Variants in PDZD4 observed in about 807,000 individuals in gnomAD.
PDZD4 encodes PDZ domain-containing protein 4.
A neutral mutation model predicts 38.5 loss-of-function variants in PDZD4; 9 were observed. That is an observed-to-expected ratio of 0.23 (90% CI 0.14 to 0.41). The LOEUF (loss-of-function observed/expected upper bound fraction) is 0.41, where lower values mean the gene tolerates loss of function less well. Among genes scored for constraint, PDZD4 ranks in the 10% least tolerant of loss-of-function variants. The pLI, the probability that PDZD4 is intolerant of heterozygous loss-of-function variation, is 1.00. For missense variants in PDZD4, 612 were observed against 722.0 expected (o/e 0.85, Z 1.75); for synonymous variants, 349 against 315.7 (o/e 1.11, Z -1.12).
At chrX:153,807,190 C>T in intron 3 of PDZD4, 89 bp downstream of exon 3, 2 of 966,572 alleles carry the variant, frequency 2.1e-6, no homozygotes, top group Non-Finnish European at 2.8e-6. Flanking sequence ...CCAGGAGGGC[C>T]ACGGGGTTGG....
intron 1 of PDZD4, chrX:153,829,920 C>A: frequency 1.2e-6 from 1 of 816,327 alleles, no homozygotes; most frequent in South Asian, 5.6e-5. Flanking sequence ...CTCCCTCCCC[C>A]GCCCTGGGTC....
chrX:153,819,797 G>A (rs1367887496), intron 1 of PDZD4, among the ~76,000 whole-genome samples: 1 of 112,010 alleles, frequency 8.9e-6, no homozygotes, highest in African/African-American at 3.2e-5. Context: ...ACCCAGCAAA[G>A]TCCCCATTCA....
At position 153,805,078 on chromosome X, in the gene PDZD4, C is replaced by T. The variant is rs374712065; in HGVS notation, c.780+19G>A. ...CTCTCCTCCTCGCCCTCCCCACCAG[C>T]GCCCTTTTCCTTCCTCACCTGCTGG... On this transcript the variant is annotated intron_variant, in intron 7 of 7. Coordinates refer to ENST00000393758, the MANE Select transcript of PDZD4 (RefSeq NM_001303512.2). 1.4e-5 allele frequency: 17 copies of T among 1,196,945 alleles called. No individual in the cohort carries two copies. The African/African-American group carries it at 1.8e-4, about 12-fold the overall frequency.
rs2092193369 is a variant in PDZD4, at chrX:153,803,887, G to T, written c.1794C>A (p.Gly598=). 5 of 1,181,507 alleles carry T rather than the reference G, an allele frequency of 4.2e-6. No individual in the cohort carries two copies. Among genetic ancestry groups the T allele is most frequent in the East Asian group, 6.1e-5 (2 of 32,928 alleles). The change falls in exon 8 of 8, where the codon GGC becomes GGA. Residue 598 remains glycine (G), a synonymous_variant. Coordinates refer to ENST00000393758, the MANE Select transcript of PDZD4 (RefSeq NM_001303512.2). ...GGGGGCCGTGGCCCAGCTCCTCCAGGCCTCGCGTCGGGGCCAGCTGCACGC... is the reference window on the plus strand; with the variant it reads ...GGGGGCCGTGGCCCAGCTCCTCCAGTCCTCGCGTCGGGGCCAGCTGCACGC... ...HSCVQLAPTR[G]LEELGHGPLS... is the part of the protein sequence containing the mutation.
chrX:153,804,729 G>A lies in PDZD4; in HGVS notation c.952C>T (p.Leu318=), dbSNP rs1354392751. The change falls in exon 8 of 8, where the codon CTG becomes TTG. Residue 318 remains leucine, a synonymous_variant. Transcript: ENST00000393758. ...PPSSTNTPGS[L]RKFGLQGDAL... ...TCCCCTTGCAGGCCAAACTTGCGCA[G>A]GCTTCCCGGGGTGTTGGTGGAGCTC... The A allele has an allele frequency of 8.3e-7, 1 of 1,209,345 alleles. No individual in the cohort carries two copies. Among genetic ancestry groups the A allele is most frequent in the Non-Finnish European group, 1.1e-6 (1 of 895,197 alleles).
In PDZD4 at chrX:153,816,402, G is replaced by A. The variant is rs782635185; in HGVS notation, c.61-7807C>T. Among the ~76,000 whole-genome samples, 333 of 109,090 alleles carry A rather than the reference G, an allele frequency of 3.1e-3. 1 individual carries two copies. Among genetic ancestry groups the A allele is most frequent in the African/African-American group, 0.01 (307 of 29,990 alleles). 94.7% of individuals were successfully genotyped at this position (109,090 alleles called of 115,157 possible). A position where few individuals can be genotyped will look rare whatever the true frequency, so the allele number is the denominator to read the frequency against. ...GGACCCCAGGGCTGGGGCTAGGCCT[G>A]TGGGTGGGGCGTGTGCTGGGGATTC... On this transcript the variant is annotated intron_variant, in intron 1 of 7. Transcript: ENST00000393758.
intron 1 of PDZD4, among the ~76,000 whole-genome samples, chrX:153,824,598 G>A (rs1271493229): frequency 1.8e-5 from 2 of 111,429 alleles, no homozygotes; most frequent in South Asian, 3.8e-4. Flanking sequence ...GGAGGAAGAC[G>A]TCGCTGAAGA....
chrX:153,808,836 TG>T (rs1557078111), intron 1 of PDZD4, among the ~76,000 whole-genome samples: 1 of 113,082 alleles, frequency 8.8e-6, no homozygotes, highest in Non-Finnish European at 1.9e-5. Context: ...CACCAAGGAC[TG>T]GGGGACCCAG....
intron 1 of PDZD4, among the ~76,000 whole-genome samples, chrX:153,813,157 C>G (rs782671393): frequency 9.0e-6 from 1 of 111,659 alleles, no homozygotes; most frequent in Non-Finnish European, 1.9e-5. Flanking sequence ...AATGGGGAAG[C>G]AATAATGGAA....
At chrX:153,805,713 G>A in intron 5 of PDZD4, 107 bp from the exon 6 acceptor site, 2 of 622,985 alleles carry the variant, frequency 3.2e-6, no homozygotes, top group Non-Finnish European at 5.3e-6. Flanking sequence ...GGGCTAGGCT[G>A]GGGCTTGAGC....
chrX:153,812,622 T>C (rs1397430945), intron 1 of PDZD4, among the ~76,000 whole-genome samples: 2 of 110,419 alleles, frequency 1.8e-5, no homozygotes, highest in African/African-American at 6.6e-5. Context: ...TCTCTCTCTC[T>C]CCTCCTCATC....
chrX:153,808,963 G>A (rs2064282695), intron 1 of PDZD4, among the ~76,000 whole-genome samples: 2 of 112,945 alleles, frequency 1.8e-5, no homozygotes, highest in Non-Finnish European at 3.7e-5. Flanking sequence ...GCGGCACTGA[G>A]GCCAGAGCTA....
Position 153,814,481 on chromosome X carries a change from C to CCG in PDZD4, c.61-5887_61-5886insCG, listed in dbSNP as rs1401628074. Among the ~76,000 whole-genome samples, 30 of 3,636 alleles carry CCG rather than the reference C, an allele frequency of 8.3e-3. 1 individual carries two copies. The highest frequency in any genetic ancestry group is 0.019 in the African/African-American group (30 of 1,567). 3.2% of individuals were successfully genotyped at this position (3,636 alleles called of 115,157 possible). Reference sequence around the variant, plus strand: ...AGAGTCAGACTCCATCCACCCCCCACCCCCCCCCCAAAAAAAAGTCTCCTT... The same window carrying CCG: ...AGAGTCAGACTCCATCCACCCCCCACCGCCCCCCCCCAAAAAAAAGTCTCCTT... On this transcript the variant is annotated intron_variant, in intron 1 of 7. Coordinates refer to ENST00000393758, the MANE Select transcript of PDZD4 (RefSeq NM_001303512.2).
At chrX:153,805,908 G>C (rs959396753) in intron 5 of PDZD4, among the ~76,000 whole-genome samples, 163 bp downstream of exon 5, 2 of 111,993 alleles carry the variant, frequency 1.8e-5, no homozygotes, top group Admixed American at 1.9e-4. Context: ...GGGTGAGTGG[G>C]CAGGAGAGAG....
chrX:153,803,505 T>G lies in PDZD4; in HGVS notation c.2176A>C (p.Ile726Leu). 8.4e-7 allele frequency: 1 copy of G among 1,188,716 alleles called. No homozygotes were observed. Among genetic ancestry groups the G allele is most frequent in the Non-Finnish European group, 1.1e-6 (1 of 882,891 alleles). ...QNGDSKPELN[I>L]IALSHRKTMK... ...GTTTTGCGGTGGCTCAGGGCAATGA[T>G]GTTGAGCTCGGGCTTGCTGTCGCCA... Residue 726 changes from isoleucine to leucine, a missense_variant, in exon 8 of 8, where the codon ATC becomes CTC. Physicochemically the swap from Ile to Leu is conservative, Grantham distance 5 (BLOSUM62 2). This residue lies in a region of PDZD4 where 87 missense variants were observed against 126.3 expected (regional missense o/e 0.69). Coordinates refer to ENST00000393758, the MANE Select transcript of PDZD4 (RefSeq NM_001303512.2).
Position 153,819,235 on chromosome X carries a change from A to T in PDZD4, c.61-10640T>A, listed in dbSNP as rs186702400. On this transcript the variant is annotated intron_variant, in intron 1 of 7. Coordinates refer to ENST00000393758, the MANE Select transcript of PDZD4 (RefSeq NM_001303512.2). ...GCCCCGCCAACCCCGTCGGAGGCTG[A>T]GCTCTGTTTCCAGGCTCTGCCCCAG... Among the ~76,000 whole-genome samples, 1,013 of 112,899 alleles carry T rather than the reference A, an allele frequency of 9.0e-3. 12 individuals carry two copies. Among genetic ancestry groups the T allele is most frequent in the African/African-American group, 0.031 (959 of 31,210 alleles).
In PDZD4 at chrX:153,803,821, G is replaced by T; in HGVS notation, c.1860C>A (p.Ala620=). 1 of 1,198,642 alleles carries T rather than the reference G, an allele frequency of 8.3e-7. No homozygotes were observed. The highest frequency in any genetic ancestry group is 1.8e-5 in the South Asian group (1 of 56,264). ...AGGPRVGGVA[A]AATEAPRMEW... ...CCATGCGCGGTGCTTCAGTGGCCGC[G>T]GCCGCCACCCCGCCCACCCGAGGGC... Residue 620 remains alanine, a synonymous_variant, in exon 8 of 8, where the codon GCC becomes GCA. Transcript: ENST00000393758.
intron 6 of PDZD4, 127 bp downstream of exon 6, chrX:153,805,378 A>AGCCCC: frequency 2.0e-6 from 1 of 491,938 alleles, no homozygotes; most frequent in Non-Finnish European, 3.5e-6. Flanking sequence ...GCCCTGAGAG[A>AGCCCC]CCCCTGCCCA....
At chrX:153,819,296 C>A (rs1341391964) in intron 1 of PDZD4, among the ~76,000 whole-genome samples, 2 of 113,177 alleles carry the variant, frequency 1.8e-5, no homozygotes, top group Admixed American at 1.8e-4. Flanking sequence ...AGGCGCACAG[C>A]CGGGTGGGGC....
Sources: allele counts gnomAD v4.1 joint callset (sites outside exome capture counted in the v4.1 genomes callset), GRCh38; gene constraint gnomAD v4.1.1; regional missense constraint gnomAD v4.1.1; transcripts MANE v1.5; gene names NCBI Gene and HGNC (gene_info 2026-07-23, HGNC 2026-07-21).